NUAK1: variants seen among roughly 807,000 people sequenced by gnomAD.
NUAK1 encodes NUAK family SNF1-like kinase 1.
Under a neutral mutation model 56.9 loss-of-function variants are expected in NUAK1, and 26 were observed. That is an observed-to-expected ratio of 0.46 (90% CI 0.33 to 0.63). The LOEUF is 0.63. NUAK1 is among the 30% of genes least tolerant of loss of function. The probability of loss-of-function intolerance (pLI) is 0.02; values close to 1 mark genes in which losing one functional copy is unlikely to be tolerated. For synonymous variants in NUAK1, 337 were observed against 336.0 expected (o/e 1.00, Z -0.03); for missense variants, 727 against 876.1 (o/e 0.83, Z 2.15).
At chr12:106,116,514 T>G (rs1203601415) in intron 1 of NUAK1, among the ~76,000 whole-genome samples, 1 of 152,254 alleles carries the variant, frequency 6.6e-6, no homozygotes, top group East Asian at 1.9e-4. Flanking sequence ...CATTAAATTC[T>G]TACAAAAACA....
At chr12:106,072,663 G>T in intron 5 of NUAK1, 61 bp downstream of exon 5, 5 of 1,517,170 alleles carry the variant, frequency 3.3e-6, no homozygotes, top group Admixed American at 2.0e-5. Flanking sequence ...TCCAGTTTTT[G>T]CCCTTCCTCC....
intron 4 of NUAK1, among the ~76,000 whole-genome samples, chr12:106,077,260 G>C (rs1290443194): frequency 6.6e-6 from 1 of 152,166 alleles, no homozygotes; most frequent in Non-Finnish European, 1.5e-5. Context: ...TGATGGGTGG[G>C]ACCTGCCAAG....
chr12:106,105,406 C>T (rs1270310476), intron 2 of NUAK1, among the ~76,000 whole-genome samples: 1 of 151,988 alleles, frequency 6.6e-6, no homozygotes, highest in African/African-American at 2.4e-5. Flanking sequence ...TTATAATAAC[C>T]AGAAATTTGG....
intron 4 of NUAK1, among the ~76,000 whole-genome samples, chr12:106,077,018 C>T (rs1480317011): frequency 2.0e-5 from 3 of 152,186 alleles, no homozygotes; most frequent in South Asian, 2.1e-4. Context: ...TATTTTACCA[C>T]CATAAAAGGA....
chr12:106,115,672 C>T (rs1179020306), intron 1 of NUAK1, among the ~76,000 whole-genome samples: 1 of 152,258 alleles, frequency 6.6e-6, no homozygotes, highest in East Asian at 1.9e-4. Context: ...ACAAGCCTGC[C>T]TGCTGGGATG....
At chr12:106,106,556 G>A (rs2136472007) in intron 1 of NUAK1, 31 bp from the exon 2 acceptor site, 1 of 1,604,988 alleles carries the variant, frequency 6.2e-7, no homozygotes, top group Non-Finnish European at 8.5e-7. Context: ...ATGTTATTCA[G>A]AGAGCTAAAC....
At chr12:106,113,311 C>G (rs1254233097) in intron 1 of NUAK1, among the ~76,000 whole-genome samples, 2 of 152,084 alleles carry the variant, frequency 1.3e-5, no homozygotes, top group South Asian at 4.2e-4. Context: ...AAAAGGCCAC[C>G]GGAAAGTTCG....
chr12:106,083,995 G>T (rs1225774337), intron 3 of NUAK1, 66 bp from the exon 4 acceptor site: 2 of 1,348,278 alleles, frequency 1.5e-6, no homozygotes, highest in Non-Finnish European at 1.1e-6. Context: ...AGAGAAAGAG[G>T]AAGGAGGAGG....
chr12:106,087,636 T>C (rs1394593233), intron 2 of NUAK1, among the ~76,000 whole-genome samples: 1 of 152,252 alleles, frequency 6.6e-6, no homozygotes, highest in Non-Finnish European at 1.5e-5. Context: ...GCACTTACTG[T>C]GCACCAAGTT....
rs371574217 is a variant in NUAK1, at chr12:106,066,941, A to G, written c.1847T>C (p.Leu616Pro). The change falls in exon 7 of 7, where the codon CTC (leucine) becomes CCC (proline). Residue 616 changes from leucine to proline, a missense_variant. Transcript: ENST00000261402. ...GTACTGGGGCCGGGGCCGGTTCTGG[A>G]GCCCCTCAAAGTCCTGGATCTGGAG... is the stretch of plus-strand genomic sequence containing the variant. ...NFLQIQDFEG[L>P]QNRPRPQYLK... 9 of 1,614,060 alleles carry G rather than the reference A, an allele frequency of 5.6e-6. No homozygotes were observed. Among genetic ancestry groups the G allele is most frequent in the Non-Finnish European group, 5.9e-6 (7 of 1,180,028 alleles).
chr12:106,119,518 G>A (rs188973542), intron 1 of NUAK1, among the ~76,000 whole-genome samples: 3 of 152,234 alleles, frequency 2.0e-5, no homozygotes, highest in East Asian at 1.9e-4. Context: ...ACACAATTAC[G>A]AGGAAAGCTT....
intron 4 of NUAK1, among the ~76,000 whole-genome samples, chr12:106,078,222 C>A (rs984443308): frequency 6.6e-6 from 1 of 152,192 alleles, no homozygotes; most frequent in Non-Finnish European, 1.5e-5. Context: ...CAGAGCAAGA[C>A]CCTGTCTCTA....
At chr12:106,069,108 C>T (rs1284799321) in intron 6 of NUAK1, among the ~76,000 whole-genome samples, 4 of 152,196 alleles carry the variant, frequency 2.6e-5, no homozygotes, top group Non-Finnish European at 4.4e-5. Context: ...TATACACATA[C>T]AACCGTCTAG....
chr12:106,114,393 TC>T (rs2032896004), intron 1 of NUAK1, among the ~76,000 whole-genome samples: 1 of 152,210 alleles, frequency 6.6e-6, no homozygotes, highest in African/African-American at 2.4e-5. Context: ...CGGCTCAGTT[TC>T]CTCACCTGCA....
At position 106,067,399 on chromosome 12, in the gene NUAK1, G is replaced by A. The variant is rs2032354014; in HGVS notation, c.1389C>T (p.Pro463=). Residue 463 remains proline, a synonymous_variant, in exon 7 of 7, where the codon CCC becomes CCT. Transcript: ENST00000261402. The surrounding 1 kb of genome is among the most constrained non-coding windows in gnomAD (Gnocchi z 6.0). Reference sequence around the variant, plus strand: ...GGGTCTTTTTCAAGATGCCTTTCTTGGGCATCGTGGCCGACTGCTTGGGGC... The same window carrying A: ...GGGTCTTTTTCAAGATGCCTTTCTTAGGCATCGTGGCCGACTGCTTGGGGC... ...KLSPKQSATM[P]KKGILKKTQQ... The A allele has an allele frequency of 6.2e-7, 1 of 1,614,124 alleles. No homozygotes were observed. Among genetic ancestry groups the A allele is most frequent in the East Asian group, 2.2e-5 (1 of 44,876 alleles).
intron 6 of NUAK1, among the ~76,000 whole-genome samples, chr12:106,069,400 T>G (rs1292937465): frequency 2.0e-5 from 3 of 152,192 alleles, no homozygotes; most frequent in Non-Finnish European, 4.4e-5. Flanking sequence ...TTATTGGTGA[T>G]TCCTCTTTTT....
At chr12:106,075,314 C>T (rs2032450189) in intron 4 of NUAK1, among the ~76,000 whole-genome samples, 1 of 151,034 alleles carries the variant, frequency 6.6e-6, no homozygotes, top group Non-Finnish European at 1.5e-5. Context: ...CACACACACA[C>T]ACACAGAGAG....
chr12:106,080,745 C>T (rs1477570309), intron 4 of NUAK1, among the ~76,000 whole-genome samples: 1 of 152,190 alleles, frequency 6.6e-6, no homozygotes, highest in African/African-American at 2.4e-5. Context: ...CAAAGTCCTC[C>T]ACCCTTGAAA....
chr12:106,118,612 A>C (rs905099489), intron 1 of NUAK1, among the ~76,000 whole-genome samples: 3 of 152,216 alleles, frequency 2.0e-5, no homozygotes, highest in African/African-American at 7.2e-5. Context: ...CTTTATAAGA[A>C]CCATTCCCTT....
Sources: allele counts gnomAD v4.1 joint callset (sites outside exome capture counted in the v4.1 genomes callset), GRCh38; gene constraint gnomAD v4.1.1; non-coding constraint Gnocchi (gnomAD v3.1); transcripts MANE v1.5; gene names NCBI Gene and HGNC (gene_info 2026-07-23, HGNC 2026-07-21).